The following MTRR variants were observed in gnomAD, a reference collection of about 807,000 sequenced individuals.
The protein encoded by MTRR is methionine synthase reductase.
Under a neutral mutation model 79.2 loss-of-function variants are expected in MTRR, and 63 were observed. That is an observed-to-expected ratio of 0.80 (90% CI 0.65 to 0.98). The LOEUF is 0.98. MTRR is among the 50% of genes least tolerant of loss of function. The pLI is 0.00. For missense variants in MTRR, 895 were observed against 839.6 expected (o/e 1.07, Z -0.82); for synonymous variants, 355 against 313.3 (o/e 1.13, Z -1.41).
At chr5:7,877,864 C>CA (rs1464273297) in intron 4 of MTRR, 80 bp from the exon 5 acceptor site, 2 of 1,587,126 alleles carry the variant, frequency 1.3e-6, no homozygotes, top group Non-Finnish European at 1.7e-6. Context: ...GCCAAATGGA[C>CA]AGACTGTCAT....
At chr5:7,866,637 C>A (rs374820220), upstream of MTRR, 2 of 1,555,568 alleles carry the variant, frequency 1.3e-6, no homozygotes, top group Non-Finnish European at 1.7e-6. Flanking sequence ...GAATTTATAA[C>A]CAACTCACCT....
At position 7,875,355 on chromosome 5, in the gene MTRR, A is replaced by G. The variant is rs771642983; in HGVS notation, c.381A>G (p.Gly127=). 1 of 1,612,162 alleles carries G rather than the reference A, an allele frequency of 6.2e-7. No homozygotes were observed. Among genetic ancestry groups the G allele is most frequent in the Non-Finnish European group, 8.5e-7 (1 of 1,178,220 alleles). ...ELGARHFYDT[G]HADDCVGLEL... The stretch of plus-strand genomic sequence containing the variant: ...GAGCCCGGCATTTCTATGACACTGG[A>G]CATGCAGATGACTGTGTAGGGTAAG... Residue 127 remains glycine, a synonymous_variant, in exon 4 of 15, where the codon GGA becomes GGG. Transcript: ENST00000440940.
In MTRR at chr5:7,891,402, A is replaced by G; in HGVS notation, c.1358A>G (p.Tyr453Cys). 6.2e-7 allele frequency: 1 copy of G among 1,606,944 alleles called. No homozygotes were observed. The highest frequency in any genetic ancestry group is 8.5e-7 in the Non-Finnish European group (1 of 1,177,342). ...CTTCCTAAACTTCAACCCAGACCAT[A>G]TTCGTGTGCAAGGTACTACTATTTA... ...EHLPKLQPRP[Y>C]SCASSSLFHP... is the part of the protein sequence containing the mutation. Residue 453 changes from tyrosine to cysteine, a missense_variant, in exon 10 of 15, where the codon TAT becomes TGT. Coordinates refer to ENST00000440940, the MANE Select transcript of MTRR (RefSeq NM_002454.3).
chr5:7,891,233 G>T, intron 9 of MTRR, 139 bp from the exon 10 acceptor site: 1 of 625,902 alleles, frequency 1.6e-6, no homozygotes, highest in Middle Eastern at 4.3e-4. Context: ...AAGTTCAAGT[G>T]CTTAACTATG....
intron 4 of MTRR, among the ~76,000 whole-genome samples, chr5:7,877,286 T>C (rs1456883975): frequency 6.6e-6 from 1 of 152,214 alleles, no homozygotes; most frequent in Non-Finnish European, 1.5e-5. Context: ...ACTGCCACAT[T>C]TAAAAAATCT....
At chr5:7,851,015 C>A, upstream of MTRR, 1 of 1,260,170 alleles carries the variant, frequency 7.9e-7, no homozygotes, top group Non-Finnish European at 1.0e-6. Context: ...TCCTCGTCGT[C>A]CTCCATGCCG....
intron 14 of MTRR, among the ~76,000 whole-genome samples, chr5:7,898,795 T>G (rs929872680): frequency 8.5e-5 from 13 of 152,220 alleles, no homozygotes; most frequent in African/African-American, 2.9e-4. Context: ...GAGTCTTGTC[T>G]GACACTTCGC....
intron 1 of MTRR, chr5:7,861,357 G>T (rs162026): frequency 0.16 from 107,956 of 694,864 alleles, 10,983 homozygotes; most frequent in African/African-American, 0.39. Flanking sequence ...TTGGGATTTG[G>T]CTATTACTAT....
At chr5:7,868,013 G>T, upstream of MTRR, 1 of 1,613,982 alleles carries the variant, frequency 6.2e-7, no homozygotes, top group South Asian at 1.1e-5. Context: ...ATTTTTTAAA[G>T]CAGCCAGAGC....
At chr5:7,871,093 A>G (rs926286869) in intron 2 of MTRR, among the ~76,000 whole-genome samples, 170 bp downstream of exon 2, 1 of 152,258 alleles carries the variant, frequency 6.6e-6, no homozygotes, top group Admixed American at 6.5e-5. Context: ...TTTTTAATAT[A>G]GAAGTGTGTA....
At chr5:7,863,113 C>G in intron 2 of MTRR, 1 of 867,658 alleles carries the variant, frequency 1.2e-6, no homozygotes, top group Non-Finnish European at 1.8e-6. Context: ...AGGCATGATA[C>G]TTTTCCAGGA....
intron 1 of MTRR, among the ~76,000 whole-genome samples, chr5:7,852,041 C>G (rs1054309661): frequency 3.3e-5 from 5 of 152,184 alleles, no homozygotes; most frequent in African/African-American, 1.2e-4. Flanking sequence ...CAACTTGGTC[C>G]TCTGAGGCAG....
rs1356612895 is a variant in MTRR at position 7,897,161 on chromosome 5, A to C, written c.1866A>C (p.Ala622=). ...CTGTTGGGGAGGAGGAAGCCCCAGC[A>C]AAGTATGTGCAAGACAACATCCAGC... ...DAPVGEEEAP[A]KYVQDNIQLH... Residue 622 remains alanine (A), a synonymous_variant, in exon 14 of 15, where the codon GCA becomes GCC. Transcript: ENST00000440940. 1 of 1,614,200 alleles carries C rather than the reference A, an allele frequency of 6.2e-7. No homozygotes were observed. The highest frequency in any genetic ancestry group is 8.5e-7 in the Non-Finnish European group (1 of 1,180,038).
intron 1 of MTRR, chr5:7,861,594 A>G (rs1429954981): frequency 6.3e-7 from 1 of 1,592,190 alleles, no homozygotes; most frequent in African/African-American, 1.3e-5. Context: ...TTTTATGGAT[A>G]TCTTCATTAG....
intron 11 of MTRR, among the ~76,000 whole-genome samples, chr5:7,895,364 C>T (rs1738323409): frequency 6.6e-6 from 1 of 152,134 alleles, no homozygotes; most frequent in South Asian, 2.1e-4. Context: ...TGATGCTAAT[C>T]TTTATTGTCT....
At chr5:7,874,205 T>A (rs1748473825) in intron 3 of MTRR, among the ~76,000 whole-genome samples, 1 of 152,188 alleles carries the variant, frequency 6.6e-6, no homozygotes, top group Non-Finnish European at 1.5e-5. Context: ...AGAGGGGAAT[T>A]GAGGGTCTGC....
chr5:7,868,057 G>A (rs778056443), upstream of MTRR: 17 of 1,611,372 alleles, frequency 1.1e-5, no homozygotes, highest in Non-Finnish European at 1.4e-5. Flanking sequence ...AACGATAAAG[G>A]TTCTTCCTCA....
At chr5:7,869,964 GC>G in intron 1 of MTRR, 1 of 948,688 alleles carries the variant, frequency 1.1e-6, no homozygotes, top group Non-Finnish European at 1.3e-6. Flanking sequence ...TTCACCGAAA[GC>G]CAAGCTTTTG....
At chr5:7,870,156 T>G in intron 1 of MTRR, 2 of 726,750 alleles carry the variant, frequency 2.8e-6, no homozygotes, top group Non-Finnish European at 3.4e-6. Flanking sequence ...TATGCACCCG[T>G]TTGTATATAT....
Sources: allele counts gnomAD v4.1 joint callset (sites outside exome capture counted in the v4.1 genomes callset), GRCh38; gene constraint gnomAD v4.1.1; transcripts MANE v1.5; gene names NCBI Gene and HGNC (gene_info 2026-07-23, HGNC 2026-07-21).